The following C9 variants were observed in gnomAD, a reference collection of about 807,000 sequenced individuals.
C9 encodes complement component C9.
C9 carries 63 observed loss-of-function variants against 65.4 expected under a neutral mutation model. The ratio of observed to expected loss-of-function variants is 0.96; its 90% CI spans 0.79 to 1.19. C9 has a LOEUF of 1.19. C9 is among the 50% of genes most tolerant of loss of function. C9 has a pLI of 0.00. For synonymous variants in C9, 229 were observed against 227.9 expected (o/e 1.00, Z -0.04); for missense variants, 744 against 670.1 (o/e 1.11, Z -1.22).
chr5:39,333,437 G>A (rs1382135420), intron 4 of C9, among the ~76,000 whole-genome samples: 1 of 152,184 alleles, frequency 6.6e-6, no homozygotes, highest in Non-Finnish European at 1.5e-5. Context: ...ATGGGTAGCT[G>A]CTGCCCCTTC....
intron 1 of C9, among the ~76,000 whole-genome samples, chr5:39,344,191 G>A (rs2111960030): frequency 6.6e-6 from 1 of 152,360 alleles, no homozygotes; most frequent in East Asian, 1.9e-4. Context: ...TTGATGAGAT[G>A]AGAGAAGAAG....
At chr5:39,346,133 A>C (rs1754189536) in intron 1 of C9, among the ~76,000 whole-genome samples, 1 of 152,232 alleles carries the variant, frequency 6.6e-6, no homozygotes, top group Non-Finnish European at 1.5e-5. Context: ...GAGCAAACAC[A>C]TTCAAAAGCT....
chr5:39,286,602 A>T (rs761871994), intron 10 of C9, among the ~76,000 whole-genome samples: 10 of 152,034 alleles, frequency 6.6e-5, no homozygotes, highest in Non-Finnish European at 1.2e-4. Context: ...TAATTGGAAA[A>T]TTAAAAGCTA....
At chr5:39,353,586 T>C (rs1316159459) in intron 1 of C9, among the ~76,000 whole-genome samples, 2 of 152,244 alleles carry the variant, frequency 1.3e-5, no homozygotes, top group African/African-American at 4.8e-5. Context: ...AATTTAGTTT[T>C]CTATATACAT....
intron 10 of C9, among the ~76,000 whole-genome samples, chr5:39,285,965 G>T (rs1362624614): frequency 6.6e-6 from 1 of 152,046 alleles, no homozygotes; most frequent in Non-Finnish European, 1.5e-5. Context: ...ATGGATGCTT[G>T]GAAGATCTAC....
intron 1 of C9, among the ~76,000 whole-genome samples, chr5:39,345,062 A>G (rs1396799642): frequency 6.6e-6 from 1 of 152,148 alleles, no homozygotes; most frequent in Admixed American, 6.5e-5. Flanking sequence ...AGCCACTGCA[A>G]AAACATGGCA....
chr5:39,346,194 G>C (rs974090939), intron 1 of C9, among the ~76,000 whole-genome samples: 5 of 152,092 alleles, frequency 3.3e-5, no homozygotes, highest in African/African-American at 9.7e-5. Flanking sequence ...AGGACATAGA[G>C]ACACAAAAAA....
At chr5:39,302,309 A>G (rs1022582019) in intron 9 of C9, among the ~76,000 whole-genome samples, 2 of 152,046 alleles carry the variant, frequency 1.3e-5, no homozygotes, top group Admixed American at 1.3e-4. Context: ...TCTTTCTACC[A>G]TGTGTTGATA....
intron 6 of C9, among the ~76,000 whole-genome samples, chr5:39,315,489 T>G (rs1012926916): frequency 4.6e-5 from 7 of 152,160 alleles, no homozygotes; most frequent in African/African-American, 1.7e-4. Context: ...ATTCTGATGA[T>G]CATATAAATT....
chr5:39,361,903 G>A (rs531021482), intron 1 of C9, among the ~76,000 whole-genome samples: 2 of 152,330 alleles, frequency 1.3e-5, no homozygotes, highest in South Asian at 4.1e-4. Context: ...AGCCATGGGA[G>A]AGCCCTGAAG....
chr5:39,291,984 G>A (rs979879365), intron 9 of C9, among the ~76,000 whole-genome samples: 2 of 151,548 alleles, frequency 1.3e-5, no homozygotes, highest in Non-Finnish European at 2.9e-5. Flanking sequence ...TGTGTTACTG[G>A]AATCCTTGAA....
rs1018364495 is a variant in C9 at position 39,331,665 on chromosome 5, A to C, written c.615+11T>G. 1 of 1,613,476 alleles carries C rather than the reference A, an allele frequency of 6.2e-7. No homozygotes were observed. The highest frequency in any genetic ancestry group is 8.5e-7 in the Non-Finnish European group (1 of 1,179,382). ...AAGTTGAACAATGTGTTTTCCTCCG[A>C]GGAGACTTACTTCATAGATCAAAGA... On this transcript the variant is annotated intron_variant, in intron 5 of 10. Coordinates refer to ENST00000263408, the MANE Select transcript of C9 (RefSeq NM_001737.5).
chr5:39,334,714 T>C (rs1179327392), intron 4 of C9, among the ~76,000 whole-genome samples: 3 of 138,062 alleles, frequency 2.2e-5, no homozygotes, highest in African/African-American at 8.8e-5. Flanking sequence ...GCCCCCCGCC[T>C]GGCCAGCCAC....
rs1561350533 is a variant in C9, at chr5:39,341,617, C to T, written c.267G>A (p.Val89=). 1 of 1,612,962 alleles carries T rather than the reference C, an allele frequency of 6.2e-7. No homozygotes were observed. Among genetic ancestry groups the T allele is most frequent in the South Asian group, 1.1e-5 (1 of 91,062 alleles). ...CAGCATCCTCACAGGGCTCTGTGGG[C>T]ACACACTGTCGTCTGTCTCCCACAG... ...TDAVGDRRQC[V]PTEPCEDAED... Residue 89 remains valine, a synonymous_variant, in exon 3 of 11, where the codon GTG becomes GTA. Transcript: ENST00000263408.
chr5:39,337,914 A>G (rs1374865242), intron 4 of C9, among the ~76,000 whole-genome samples: 1 of 152,214 alleles, frequency 6.6e-6, no homozygotes, highest in African/African-American at 2.4e-5. Context: ...GTATGTGACT[A>G]TTGATAGGAC....
intron 5 of C9, among the ~76,000 whole-genome samples, chr5:39,320,295 A>G (rs1297924269): frequency 6.6e-6 from 1 of 152,212 alleles, no homozygotes; most frequent in Non-Finnish European, 1.5e-5. Flanking sequence ...GAACAAAATT[A>G]GAAGTTCAAT....
Position 39,331,830 on chromosome 5 carries a change from G to T in C9, c.477-16C>A. 6.2e-7 allele frequency: 1 copy of T among 1,611,618 alleles called. No homozygotes were observed. Reference sequence around the variant, plus strand: ...AATGTTGATCCTGAGAATGAACAGAGTAGTATCAGAAGTGGAAATACCACA... The same window carrying T: ...AATGTTGATCCTGAGAATGAACAGATTAGTATCAGAAGTGGAAATACCACA... On this transcript the variant is annotated splice_polypyrimidine_tract_variant and intron_variant, in intron 4 of 10. Transcript: ENST00000263408.
intron 5 of C9, among the ~76,000 whole-genome samples, chr5:39,320,285 G>T (rs1310805558): frequency 1.3e-5 from 2 of 151,926 alleles, no homozygotes; most frequent in African/African-American, 4.8e-5. Context: ...AAAAATACAT[G>T]AACAAAATTA....
intron 4 of C9, among the ~76,000 whole-genome samples, chr5:39,335,536 T>A (rs1753948425): frequency 6.6e-6 from 1 of 152,212 alleles, no homozygotes; most frequent in African/African-American, 2.4e-5. Flanking sequence ...ACAATTTATA[T>A]GGCATTTACA....
Sources: allele counts gnomAD v4.1 joint callset (sites outside exome capture counted in the v4.1 genomes callset), GRCh38; gene constraint gnomAD v4.1.1; transcripts MANE v1.5; gene names NCBI Gene and HGNC (gene_info 2026-07-23, HGNC 2026-07-21).